Variants in TENM2 observed in about 807,000 individuals in gnomAD.
TENM2 encodes teneurin transmembrane protein 2.
In TENM2, 52 loss-of-function variants were observed where a neutral mutation model predicts 245.2. That is an observed-to-expected ratio of 0.21 (90% confidence interval 0.17 to 0.27). The LOEUF is 0.27. Ranked by LOEUF, TENM2 falls within the 10% of genes least tolerant of loss-of-function variation. TENM2 has a pLI of 1.00. For synonymous variants in TENM2, 1,363 were observed against 1,438.9 expected (o/e 0.95, Z 1.19); for missense variants, 3,046 against 3,666.8 (o/e 0.83, Z 4.37).
intron 3 of TENM2, among the ~76,000 whole-genome samples, chr5:167,945,322 G>T (rs1051836626): frequency 1.1e-4 from 13 of 119,088 alleles, no homozygotes; most frequent in African/African-American, 3.9e-4. Context: ...TCAAGCACCC[G>T]GGGGGGGCAC....
At chr5:168,142,514 A>T (rs946992850) in intron 12 of TENM2, among the ~76,000 whole-genome samples, 58 of 152,250 alleles carry the variant, frequency 3.8e-4, no homozygotes, top group African/African-American at 1.3e-3. Flanking sequence ...AATGTTGCTG[A>T]TACTGATGAC....
intron 2 of TENM2, among the ~76,000 whole-genome samples, chr5:167,827,010 C>T (rs1768021177): frequency 6.6e-6 from 1 of 152,230 alleles, no homozygotes; most frequent in Non-Finnish European, 1.5e-5. Context: ...TTGCACCTTG[C>T]CCCACCAAGT....
intron 1 of TENM2, among the ~76,000 whole-genome samples, chr5:167,347,951 C>T (rs1220718063): frequency 6.6e-6 from 1 of 152,148 alleles, no homozygotes; most frequent in African/African-American, 2.4e-5. Context: ...TCTACAGGGG[C>T]AACCACCAAA....
intron 3 of TENM2, among the ~76,000 whole-genome samples, chr5:167,879,628 A>G (rs1002109666): frequency 1.3e-5 from 2 of 152,202 alleles, no homozygotes; most frequent in African/African-American, 4.8e-5. Context: ...CAACCACATT[A>G]TCTTCTAAAA....
At chr5:167,720,907 C>A (rs1369834684) in intron 2 of TENM2, among the ~76,000 whole-genome samples, 1 of 152,138 alleles carries the variant, frequency 6.6e-6, no homozygotes, top group Non-Finnish European at 1.5e-5. Context: ...CTGGAATGAA[C>A]TCTATGCAGA....
intron 2 of TENM2, among the ~76,000 whole-genome samples, chr5:167,587,652 T>C (rs150747588): frequency 1.4e-3 from 214 of 152,318 alleles, no homozygotes; most frequent in Middle Eastern, 6.8e-3. Context: ...CAATAGTTAA[T>C]TCCCTACATC....
chr5:167,967,258 C>T (rs1370456356), intron 4 of TENM2, among the ~76,000 whole-genome samples: 4 of 152,094 alleles, frequency 2.6e-5, no homozygotes, highest in African/African-American at 7.2e-5. Context: ...CCTCATCCCC[C>T]ACATCACTTT....
At chr5:167,839,616 T>G (rs58352835) in intron 2 of TENM2, among the ~76,000 whole-genome samples, 1 of 152,000 alleles carries the variant, frequency 6.6e-6, no homozygotes, top group Admixed American at 6.6e-5. Context: ...AAATGTAAAG[T>G]GAATGTAATG....
intron 18 of TENM2, 120 bp from the exon 21 acceptor site, chr5:168,204,252 G>A (rs1762171807): frequency 1.0e-5 from 11 of 1,086,344 alleles, no homozygotes; most frequent in Non-Finnish European, 1.2e-5. Flanking sequence ...TGAAGAAGTT[G>A]GAGAGCTCCC....
At chr5:168,181,563 A>T (rs528816699) in intron 13 of TENM2, among the ~76,000 whole-genome samples, 1 of 152,138 alleles carries the variant, frequency 6.6e-6, no homozygotes, top group Admixed American at 6.5e-5. Flanking sequence ...TGGTACAACG[A>T]TCTCTGGACT....
chr5:167,565,161 T>C (rs1773832768), intron 2 of TENM2, among the ~76,000 whole-genome samples: 1 of 152,246 alleles, frequency 6.6e-6, no homozygotes, highest in African/African-American at 2.4e-5. Flanking sequence ...TTATTTTTAT[T>C]GTGTCAAGTC....
chr5:168,234,550 G>A (rs72835071), intron 25 of TENM2, among the ~76,000 whole-genome samples: 5,989 of 152,182 alleles, frequency 0.039, 165 homozygotes, highest in Non-Finnish European at 0.058. Flanking sequence ...ATCATAAGGC[G>A]AAACTCCTGG....
chr5:167,910,740 A>G (rs751202359), intron 3 of TENM2, among the ~76,000 whole-genome samples: 15 of 152,294 alleles, frequency 9.8e-5, no homozygotes, highest in South Asian at 6.2e-4. Context: ...TGTCTTGAAT[A>G]CTCTTACTAA....
chr5:167,837,919 A>G (rs1164407797), intron 2 of TENM2, among the ~76,000 whole-genome samples: 1 of 152,178 alleles, frequency 6.6e-6, no homozygotes, highest in East Asian at 1.9e-4. Context: ...GGGACCTTGA[A>G]GTCTGTCTTC....
intron 1 of TENM2, among the ~76,000 whole-genome samples, chr5:167,359,621 C>T (rs765425804): frequency 1.3e-5 from 2 of 152,048 alleles, no homozygotes; most frequent in Non-Finnish European, 2.9e-5. Context: ...CTAGGGGCAT[C>T]GCTGTCACGA....
At chr5:167,183,197 A>T in the TENM2 span, among the ~76,000 whole-genome samples, 2 of 152,130 alleles carry the variant, frequency 1.3e-5, no homozygotes, top group Non-Finnish European at 2.9e-5. Context: ...CTTGTATGTA[A>T]GGTCAACCAT....
intron 2 of TENM2, among the ~76,000 whole-genome samples, chr5:167,434,499 G>T (rs1232840341): frequency 6.8e-6 from 1 of 147,232 alleles, no homozygotes; most frequent in Non-Finnish European, 1.5e-5. Context: ...AATTTTTAAT[G>T]TTTATTCTCA....
At chr5:167,727,217 C>T (rs1760083303) in intron 2 of TENM2, among the ~76,000 whole-genome samples, 1 of 144,180 alleles carries the variant, frequency 6.9e-6, no homozygotes, top group Admixed American at 7.3e-5. Context: ...TCATGCCATT[C>T]TCCTGCCTCA....
chr5:167,081,320 G>T, the TENM2 span, among the ~76,000 whole-genome samples: 2 of 151,990 alleles, frequency 1.3e-5, no homozygotes, highest in African/African-American at 4.8e-5. Flanking sequence ...GGGTATTGCT[G>T]ACATAACCTT....
Sources: allele counts gnomAD v4.1 joint callset (sites outside exome capture counted in the v4.1 genomes callset), GRCh38; gene constraint gnomAD v4.1.1; transcripts MANE v1.5; gene names NCBI Gene and HGNC (gene_info 2026-07-23, HGNC 2026-07-21).